The following LRRTM4 variants were observed in gnomAD, a reference collection of about 807,000 sequenced individuals.
The protein encoded by LRRTM4 is leucine rich repeat transmembrane neuronal 4.
LRRTM4 carries 25 observed loss-of-function variants against 47.6 expected under a neutral mutation model. That is an observed-to-expected ratio of 0.53 (90% CI 0.38 to 0.73). The LOEUF is 0.73. LRRTM4 is among the 30% of genes least tolerant of loss of function. The pLI, the probability that LRRTM4 is intolerant of heterozygous loss-of-function variation, is 0.00. For missense variants in LRRTM4, 638 were observed against 713.4 expected, an observed-to-expected ratio of 0.89 and a Z score of 1.20; for synonymous variants, 311 against 269.5, an observed-to-expected ratio of 1.15 and a Z score of -1.51.
intron 3 of LRRTM4, among the ~76,000 whole-genome samples, chr2:77,496,124 G>A (rs1354535046): frequency 1.3e-5 from 2 of 151,816 alleles, no homozygotes; most frequent in Non-Finnish European, 2.9e-5. Flanking sequence ...TACTATGAAT[G>A]GAATGTTTTT....
At chr2:76,886,976 CTA>C (rs1408018632) in intron 3 of LRRTM4, among the ~76,000 whole-genome samples, 1 of 151,686 alleles carries the variant, frequency 6.6e-6, no homozygotes, top group African/African-American at 2.4e-5. Flanking sequence ...TCATATTTGT[CTA>C]TGAGTTTAAA....
intron 3 of LRRTM4, among the ~76,000 whole-genome samples, chr2:76,871,898 T>C (rs996383432): frequency 6.6e-6 from 1 of 152,150 alleles, no homozygotes; most frequent in South Asian, 2.1e-4. Flanking sequence ...AGGAAGTGAA[T>C]CCTTTCAACA....
At chr2:77,504,405 A>C (rs1370070259) in intron 3 of LRRTM4, among the ~76,000 whole-genome samples, 1 of 151,656 alleles carries the variant, frequency 6.6e-6, no homozygotes, top group Non-Finnish European at 1.5e-5. Flanking sequence ...ATTTGACTAC[A>C]TAAAAAAGTG....
intron 3 of LRRTM4, among the ~76,000 whole-genome samples, chr2:76,784,193 A>C (rs1186520576): frequency 1.3e-5 from 2 of 152,148 alleles, no homozygotes; most frequent in Non-Finnish European, 2.9e-5. Context: ...GTACCACTAG[A>C]TTAATGTTTT....
chr2:76,827,671 C>T (rs185649825), intron 3 of LRRTM4, among the ~76,000 whole-genome samples: 4 of 151,966 alleles, frequency 2.6e-5, no homozygotes, highest in African/African-American at 9.6e-5. Context: ...AAACAGTCAA[C>T]TTATTTCTTA....
chr2:76,927,438 G>A (rs1450947170), intron 3 of LRRTM4, among the ~76,000 whole-genome samples: 1 of 152,090 alleles, frequency 6.6e-6, no homozygotes, highest in East Asian at 1.9e-4. Flanking sequence ...CAGGTCAAGT[G>A]TGAGAGATAA....
intron 3 of LRRTM4, among the ~76,000 whole-genome samples, chr2:77,064,501 G>A (rs2103809268): frequency 6.6e-6 from 1 of 152,272 alleles, no homozygotes; most frequent in South Asian, 2.1e-4. Flanking sequence ...GATGACACAT[G>A]TACAAATGCT....
intron 3 of LRRTM4, among the ~76,000 whole-genome samples, chr2:77,475,211 C>T (rs556978655): frequency 6.6e-6 from 1 of 152,132 alleles, no homozygotes; most frequent in East Asian, 1.9e-4. Flanking sequence ...CAATTCACAC[C>T]TATAAAGAAG....
At chr2:77,277,775 G>A (rs563066130) in intron 3 of LRRTM4, among the ~76,000 whole-genome samples, 2 of 151,926 alleles carry the variant, frequency 1.3e-5, no homozygotes, top group South Asian at 2.1e-4. Context: ...TACATGACTT[G>A]TGTAATTACA....
At chr2:77,463,593 T>C (rs1230966089) in intron 3 of LRRTM4, among the ~76,000 whole-genome samples, 1 of 152,098 alleles carries the variant, frequency 6.6e-6, no homozygotes, top group Non-Finnish European at 1.5e-5. Flanking sequence ...ATAGCAACCA[T>C]ATTTTCTATA....
At chr2:76,996,799 G>C (rs1677218373) in intron 3 of LRRTM4, among the ~76,000 whole-genome samples, 1 of 152,076 alleles carries the variant, frequency 6.6e-6, no homozygotes, top group African/African-American at 2.4e-5. Context: ...TGTAGTTATA[G>C]AAAACAAAAT....
At chr2:77,156,962 A>C (rs930537177) in intron 3 of LRRTM4, among the ~76,000 whole-genome samples, 1 of 151,734 alleles carries the variant, frequency 6.6e-6, no homozygotes, top group Non-Finnish European at 1.5e-5. Flanking sequence ...GAAATATTTC[A>C]TAATAACCTT....
chr2:77,505,019 G>A (rs982718050), intron 3 of LRRTM4, among the ~76,000 whole-genome samples: 1 of 151,020 alleles, frequency 6.6e-6, no homozygotes, highest in African/African-American at 2.4e-5. Flanking sequence ...AATGATTTTA[G>A]AGCTAGAAAA....
intron 3 of LRRTM4, 29 bp from the exon 4 acceptor site, chr2:76,748,945 G>T: frequency 6.3e-7 from 1 of 1,586,826 alleles, no homozygotes; most frequent in Non-Finnish European, 8.6e-7. Context: ...AAGATGGGTG[G>T]ATTATAAAAT....
At chr2:77,275,880 A>T (rs1573181984) in intron 3 of LRRTM4, among the ~76,000 whole-genome samples, 1 of 152,094 alleles carries the variant, frequency 6.6e-6, no homozygotes, top group East Asian at 1.9e-4. Flanking sequence ...TCTGGGGAAA[A>T]ATGTTAAAGT....
In LRRTM4 at chr2:77,298,194, G is replaced by C. The variant is rs370585405; in HGVS notation, c.1551+220124C>G. Among the ~76,000 whole-genome samples, 24 of 152,244 alleles carry C rather than the reference G, an allele frequency of 1.6e-4. No individual in the cohort carries two copies. In the South Asian group the frequency reaches 4.6e-3, roughly 29 times the overall value. ...ACATTCTAATAAAGTCAGACAAGTA[G>C]TTCTAAAAATTACTTCACTTGACAA... On this transcript the variant is annotated intron_variant, in intron 3 of 3. Transcript: ENST00000409884.
At chr2:76,788,162 GTAAA>G (rs1674780080) in intron 3 of LRRTM4, among the ~76,000 whole-genome samples, 1 of 152,138 alleles carries the variant, frequency 6.6e-6, no homozygotes, top group Admixed American at 6.6e-5. Flanking sequence ...GGAGAACCAA[GTAAA>G]TAAATAGTTC....
intron 3 of LRRTM4, among the ~76,000 whole-genome samples, chr2:77,335,680 G>A (rs1159635239): frequency 6.6e-6 from 1 of 152,094 alleles, no homozygotes; most frequent in Non-Finnish European, 1.5e-5. Flanking sequence ...TGTTCTTGGA[G>A]CTTAAACCAC....
At chr2:77,502,592 T>C (rs1678613964) in intron 3 of LRRTM4, among the ~76,000 whole-genome samples, 1 of 151,690 alleles carries the variant, frequency 6.6e-6, no homozygotes, top group South Asian at 2.1e-4. Flanking sequence ...TAAGTATTTA[T>C]TGAGCTTTTA....
Sources: allele counts gnomAD v4.1 joint callset (sites outside exome capture counted in the v4.1 genomes callset), GRCh38; gene constraint gnomAD v4.1.1; transcripts MANE v1.5; gene names NCBI Gene and HGNC (gene_info 2026-07-23, HGNC 2026-07-21).